The following DAW1 variants were observed in gnomAD, a reference collection of about 807,000 sequenced individuals.
DAW1 encodes the protein dynein assembly factor with WD repeats 1.
DAW1 carries 47 observed loss-of-function variants against 56.5 expected under a neutral mutation model. The observed-to-expected ratio is 0.83, with a 90% confidence interval of 0.66 to 1.06. The LOEUF (loss-of-function observed/expected upper bound fraction) is 1.06, where lower values mean the gene tolerates loss of function less well. DAW1 is among the 50% of genes least tolerant of loss of function. The pLI is 0.00. For synonymous variants in DAW1, 190 were observed against 179.0 expected (o/e 1.06, Z -0.49); for missense variants, 505 against 499.3 (o/e 1.01, Z -0.11).
chr2:227,916,493 A>G (rs1360610320), intron 10 of DAW1, among the ~76,000 whole-genome samples: 5 of 152,140 alleles, frequency 3.3e-5, no homozygotes, highest in Non-Finnish European at 7.4e-5. Context: ...ATGAATGTCA[A>G]TGTGCATGTC....
intron 5 of DAW1, among the ~76,000 whole-genome samples, chr2:227,897,093 GAAA>G (rs200209188): frequency 2.2e-5 from 2 of 92,306 alleles, no homozygotes; most frequent in Admixed American, 1.3e-4. Flanking sequence ...CTCAAAAAAA[GAAA>G]AAAAAAAAAA....
chr2:227,904,872 G>A (rs1375185522), intron 7 of DAW1, 57 bp from the exon 8 acceptor site: 5 of 1,475,760 alleles, frequency 3.4e-6, no homozygotes, highest in Admixed American at 3.5e-5. Flanking sequence ...GATATTGTAC[G>A]CTTGCAGAAA....
intron 10 of DAW1, among the ~76,000 whole-genome samples, chr2:227,917,112 GTATCTATCTATCTATCTATC>G (rs57043132): frequency 1.2e-4 from 18 of 148,448 alleles, no homozygotes; most frequent in African/African-American, 4.5e-4. Context: ...ATGCATGACA[GTATCTATCTATCTATCTATC>G]TATCTATCTA....
chr2:227,891,117 CTGTCTAAAGGTAAATCAGATAT>C, intron 3 of DAW1, 116 bp from the exon 4 acceptor site: 1 of 704,584 alleles, frequency 1.4e-6, no homozygotes. Flanking sequence ...CCACATAGCA[CTGTCTAAAGGTAAATCAGATAT>C]TGCCTGTTTC....
At chr2:227,893,644 C>G in intron 4 of DAW1, 151 bp from the exon 5 acceptor site, 2 of 1,258,774 alleles carry the variant, frequency 1.6e-6, no homozygotes, top group Non-Finnish European at 2.1e-6. Context: ...TGCACTCCAG[C>G]CTGAGTGACA....
intron 3 of DAW1, 135 bp downstream of exon 3, chr2:227,890,135 T>A (rs1691228654): frequency 1.2e-6 from 1 of 836,342 alleles, no homozygotes; most frequent in African/African-American, 1.8e-5. Flanking sequence ...CACATATGTT[T>A]GCTAAGATTG....
At chr2:227,896,160 T>C (rs561932452) in intron 5 of DAW1, among the ~76,000 whole-genome samples, 2 of 152,346 alleles carry the variant, frequency 1.3e-5, no homozygotes, top group Admixed American at 6.5e-5. Flanking sequence ...CTTTGATCTA[T>C]GCATTTTTAT....
intron 10 of DAW1, among the ~76,000 whole-genome samples, chr2:227,907,672 C>T (rs909479005): frequency 7.2e-5 from 11 of 152,096 alleles, no homozygotes; most frequent in East Asian, 1.9e-4. Context: ...CTCAGCCTCC[C>T]GAGTAGCTGG....
At chr2:227,881,167 A>G (rs1372765336) in intron 1 of DAW1, among the ~76,000 whole-genome samples, 1 of 152,254 alleles carries the variant, frequency 6.6e-6, no homozygotes, top group African/African-American at 2.4e-5. Context: ...TGCTGTAAGG[A>G]CAGAGAATGT....
At chr2:227,879,981 C>T (rs966644820) in intron 1 of DAW1, among the ~76,000 whole-genome samples, 8 of 152,128 alleles carry the variant, frequency 5.3e-5, no homozygotes, top group African/African-American at 1.9e-4. Flanking sequence ...TAAATTTTCA[C>T]ATTTCAAAAA....
chr2:227,916,434 CTATG>C (rs1160683518), intron 10 of DAW1, among the ~76,000 whole-genome samples: 4 of 151,990 alleles, frequency 2.6e-5, no homozygotes, highest in African/African-American at 9.7e-5. Context: ...TCTTTGGTAA[CTATG>C]TATGATGTTT....
At chr2:227,881,458 C>G (rs143358326) in intron 1 of DAW1, among the ~76,000 whole-genome samples, 300 of 152,266 alleles carry the variant, frequency 2.0e-3, no homozygotes, top group African/African-American at 6.9e-3. Flanking sequence ...TTTCCTTCTT[C>G]AAAGATGTTA....
intron 1 of DAW1, chr2:227,876,514 C>A (rs1486520711): frequency 7.7e-7 from 1 of 1,299,954 alleles, no homozygotes; most frequent in Non-Finnish European, 1.0e-6. Flanking sequence ...TCAATAATAG[C>A]ATTATCAGAT....
Position 227,901,917 on chromosome 2 carries a change from G to A in DAW1, c.541-1085G>A, listed in dbSNP as rs147019442. On this transcript the variant is annotated intron_variant, in intron 6 of 12. Coordinates refer to ENST00000309931, the MANE Select transcript of DAW1 (RefSeq NM_178821.3). ...GGGTGCATCTCCCCTAGGTGTACAG[G>A]GAAGGGGTTCTTAGAATGGGCGGAA... Among the ~76,000 whole-genome samples the A allele has an allele frequency of 1.8e-3, 278 of 152,308 alleles. 1 individual carries two copies. Among genetic ancestry groups the A allele is most frequent in the African/African-American group, 5.6e-3 (233 of 41,562 alleles).
intron 1 of DAW1, 69 bp downstream of exon 1, chr2:227,871,798 C>T (rs1253778777): frequency 1.3e-6 from 2 of 1,593,140 alleles, no homozygotes; most frequent in Admixed American, 1.8e-5. Context: ...GGGTTTGGGG[C>T]GGAGGAGGGC....
chr2:227,879,187 T>C (rs959289179), intron 1 of DAW1, among the ~76,000 whole-genome samples: 4 of 152,182 alleles, frequency 2.6e-5, no homozygotes, highest in Non-Finnish European at 5.9e-5. Context: ...GGTCATGCCT[T>C]GAAAGGAGCC....
intron 3 of DAW1, among the ~76,000 whole-genome samples, chr2:227,890,856 A>G (rs1268206311): frequency 6.6e-6 from 1 of 152,236 alleles, no homozygotes; most frequent in Non-Finnish European, 1.5e-5. Flanking sequence ...TAGATTGTCC[A>G]ATTTATGTAT....
intron 10 of DAW1, among the ~76,000 whole-genome samples, chr2:227,915,359 G>A (rs1483655654): frequency 2.0e-5 from 3 of 152,062 alleles, no homozygotes; most frequent in African/African-American, 7.2e-5. Flanking sequence ...TCACTTGTGT[G>A]TCATCAACTT....
At chr2:227,887,100 G>A (rs1691149837) in intron 2 of DAW1, among the ~76,000 whole-genome samples, 1 of 152,186 alleles carries the variant, frequency 6.6e-6, no homozygotes, top group Non-Finnish European at 1.5e-5. Flanking sequence ...CGTGTCTAGG[G>A]TGGGGCTGGG....
Sources: allele counts gnomAD v4.1 joint callset (sites outside exome capture counted in the v4.1 genomes callset), GRCh38; gene constraint gnomAD v4.1.1; transcripts MANE v1.5; gene names NCBI Gene and HGNC (gene_info 2026-07-23, HGNC 2026-07-21).